Variants in UNC5D observed in about 807,000 individuals in gnomAD.
The protein encoded by UNC5D is unc-5 netrin receptor D.
Under a neutral mutation model 105.4 loss-of-function variants are expected in UNC5D, and 39 were observed. The ratio of observed to expected loss-of-function variants is 0.37; its 90% CI spans 0.29 to 0.48. The LOEUF (loss-of-function observed/expected upper bound fraction) is 0.48, where lower values mean the gene tolerates loss of function less well. Among genes scored for constraint, UNC5D ranks in the 20% least tolerant of loss-of-function variants. UNC5D has a pLI of 0.98. For missense variants in UNC5D, 991 were observed against 1,202.4 expected (o/e 0.82, Z 2.60); for synonymous variants, 452 against 450.4 (o/e 1.00, Z -0.04).
intron 2 of UNC5D, among the ~76,000 whole-genome samples, chr8:35,565,767 T>A (rs1424981708): frequency 2.0e-5 from 3 of 152,208 alleles, no homozygotes; most frequent in African/African-American, 7.2e-5. Flanking sequence ...GGGATCCAGT[T>A]TCATTCTTCT....
rs529948103 is a variant in UNC5D, at chr8:35,447,345, A to G, written c.104-101947A>G. On this transcript the variant is annotated intron_variant, in intron 1 of 16. Transcript: ENST00000404895. The stretch of plus-strand genomic sequence containing the variant: ...AGGGGGTTAATTAATTTGTCCAAGG[A>G]CAAATGGCTAGCTGTTTTTTAAGAG... Among the ~76,000 whole-genome samples, 10 of 152,206 alleles carry G rather than the reference A, an allele frequency of 6.6e-5. No homozygotes were observed. In the East Asian group the frequency reaches 1.9e-3, roughly 30 times the overall value.
rs151263592 is a variant in UNC5D at position 35,477,878 on chromosome 8, T to C, written c.104-71414T>C. ...CACTCTTATTGAGTTTCTATTTATATTTTTTTCTCAAAGCTACTGGTTAAA... is the reference window on the plus strand; with the variant it reads ...CACTCTTATTGAGTTTCTATTTATACTTTTTTCTCAAAGCTACTGGTTAAA... On this transcript the variant is annotated intron_variant, in intron 1 of 16. Coordinates refer to ENST00000404895, the MANE Select transcript of UNC5D (RefSeq NM_080872.4). 3.5e-3 allele frequency among the ~76,000 whole-genome samples: 531 copies of C among 152,234 alleles called. 3 individuals are homozygous for C. Among genetic ancestry groups the C allele is most frequent in the African/African-American group, 0.012 (507 of 41,554 alleles).
At chr8:35,307,286 G>A (rs969596803) in intron 1 of UNC5D, among the ~76,000 whole-genome samples, 1 of 152,142 alleles carries the variant, frequency 6.6e-6, no homozygotes, top group South Asian at 2.1e-4. Context: ...ACTTAACTTT[G>A]AGGTCAATAA....
chr8:35,571,489 T>C (rs16884145), intron 3 of UNC5D, among the ~76,000 whole-genome samples: 2,411 of 152,214 alleles, frequency 0.016, 77 homozygotes, highest in African/African-American at 0.055. Flanking sequence ...TGGGGACCAG[T>C]GTACATTAAA....
At chr8:35,411,405 A>G (rs1805156414) in intron 1 of UNC5D, among the ~76,000 whole-genome samples, 2 of 152,064 alleles carry the variant, frequency 1.3e-5, no homozygotes, top group Non-Finnish European at 2.9e-5. Flanking sequence ...GACAGTCACC[A>G]TTCCTAATTT....
At chr8:35,635,931 G>A (rs550905789) in intron 4 of UNC5D, among the ~76,000 whole-genome samples, 3 of 152,214 alleles carry the variant, frequency 2.0e-5, no homozygotes, top group South Asian at 2.1e-4. Flanking sequence ...CATCCCTCAC[G>A]GAAACCAAAT....
chr8:35,660,719 G>A (rs996010536), intron 4 of UNC5D, among the ~76,000 whole-genome samples: 25 of 152,146 alleles, frequency 1.6e-4, no homozygotes, highest in Admixed American at 6.5e-5. Flanking sequence ...GGAGGAGTGG[G>A]AATAGGTAGA....
At position 35,618,814 on chromosome 8, in the gene UNC5D, A is replaced by C. The variant is rs574667431; in HGVS notation, c.570+23157A>C. 7.9e-5 allele frequency among the ~76,000 whole-genome samples: 12 copies of C among 152,282 alleles called. 1 individual carries two copies. The South Asian group carries it at 2.3e-3, about 29-fold the overall frequency. On this transcript the variant is annotated intron_variant, in intron 4 of 16. Coordinates refer to ENST00000404895, the MANE Select transcript of UNC5D (RefSeq NM_080872.4). ...CTTGCCACTACCTGACACTTTGTTA[A>C]TTACTGCGTGCCATGAAGTTGCTGA...
intron 16 of UNC5D, among the ~76,000 whole-genome samples, chr8:35,776,809 T>G (rs543980358): frequency 6.6e-6 from 1 of 152,318 alleles, no homozygotes; most frequent in South Asian, 2.1e-4. Flanking sequence ...ATATATGGAA[T>G]CTACTTCTAT....
chr8:35,293,751 C>T (rs1371932962), intron 1 of UNC5D, among the ~76,000 whole-genome samples: 1 of 152,188 alleles, frequency 6.6e-6, no homozygotes, highest in Non-Finnish European at 1.5e-5. Context: ...ACGGTTATGG[C>T]ATCTTCAATA....
chr8:35,394,709 G>A (rs755505144), intron 1 of UNC5D, among the ~76,000 whole-genome samples: 2 of 152,064 alleles, frequency 1.3e-5, no homozygotes, highest in African/African-American at 2.4e-5. Context: ...CAAAAAGGGA[G>A]GAACCGAATT....
Position 35,790,477 on chromosome 8 carries a change from G to T in UNC5D, c.2776G>T (p.Gly926Trp). ...DSLACALEEI[G>W]RTHTKLSNIS... is the part of the protein sequence containing the mutation. ...CCTGGCCTGTGCCCTTGAAGAGATTGGGAGGACACACACGAAACTCTCAAA... is the reference window on the plus strand; with the variant it reads ...CCTGGCCTGTGCCCTTGAAGAGATTTGGAGGACACACACGAAACTCTCAAA... The change falls in exon 17 of 17, where the codon GGG (glycine) becomes TGG (tryptophan). Residue 926 changes from glycine (G) to tryptophan (W), a missense_variant. Physicochemically the swap from Gly to Trp is radical, Grantham distance 184. Around this residue, in one of 3 missense-constraint regions of UNC5D, gnomAD observed 45 missense variants for 54.5 expected, o/e 0.83. Coordinates refer to ENST00000404895, the MANE Select transcript of UNC5D (RefSeq NM_080872.4). The T allele has an allele frequency of 6.2e-7, 1 of 1,613,912 alleles. No homozygotes were observed. The highest frequency in any genetic ancestry group is 8.5e-7 in the Non-Finnish European group (1 of 1,179,874).
intron 15 of UNC5D, among the ~76,000 whole-genome samples, chr8:35,773,320 G>A (rs947748188): frequency 6.6e-6 from 1 of 152,132 alleles, no homozygotes; most frequent in Non-Finnish European, 1.5e-5. Flanking sequence ...AGGCAGGCAG[G>A]AGCCTTCCTG....
intron 4 of UNC5D, among the ~76,000 whole-genome samples, chr8:35,681,285 C>T (rs1403581558): frequency 6.6e-6 from 1 of 152,086 alleles, no homozygotes; most frequent in Non-Finnish European, 1.5e-5. Context: ...TAGTCATTGT[C>T]TTGAGACAAT....
At chr8:35,655,929 T>C (rs1823702159) in intron 4 of UNC5D, among the ~76,000 whole-genome samples, 1 of 152,238 alleles carries the variant, frequency 6.6e-6, no homozygotes, top group South Asian at 2.1e-4. Context: ...CATGTACTTA[T>C]ATAAAAACCT....
At chr8:35,591,678 C>T (rs554334455) in intron 3 of UNC5D, among the ~76,000 whole-genome samples, 3 of 152,198 alleles carry the variant, frequency 2.0e-5, no homozygotes, top group African/African-American at 7.2e-5. Flanking sequence ...ATCACTTTCC[C>T]CTTACCTCAT....
At chr8:35,642,646 G>A (rs766733790) in intron 4 of UNC5D, among the ~76,000 whole-genome samples, 1 of 152,042 alleles carries the variant, frequency 6.6e-6, no homozygotes, top group Non-Finnish European at 1.5e-5. Flanking sequence ...ATCTGGAGAT[G>A]GGGCAGATCA....
intron 1 of UNC5D, among the ~76,000 whole-genome samples, chr8:35,362,455 T>G (rs1202847521): frequency 6.6e-6 from 1 of 152,160 alleles, no homozygotes; most frequent in Non-Finnish European, 1.5e-5. Context: ...TTTCCATATT[T>G]AGCTTTCTGT....
chr8:35,521,698 T>C (rs1331434108), intron 1 of UNC5D, among the ~76,000 whole-genome samples: 1 of 152,206 alleles, frequency 6.6e-6, no homozygotes, highest in Non-Finnish European at 1.5e-5. Flanking sequence ...GGAATTTCAA[T>C]TGAATCTTAA....
Sources: allele counts gnomAD v4.1 joint callset (sites outside exome capture counted in the v4.1 genomes callset), GRCh38; gene constraint gnomAD v4.1.1; regional missense constraint gnomAD v4.1.1; transcripts MANE v1.5; gene names NCBI Gene and HGNC (gene_info 2026-07-23, HGNC 2026-07-21).